PIK3C2G: variants seen among roughly 807,000 people sequenced by gnomAD.
PIK3C2G encodes phosphatidylinositol 3-kinase C2 domain-containing subunit gamma.
In PIK3C2G, 168 loss-of-function variants were observed where a neutral mutation model predicts 181.1. The observed-to-expected ratio is 0.93, with a 90% confidence interval of 0.82 to 1.05. The LOEUF is 1.05. PIK3C2G is among the 50% of genes least tolerant of loss of function. PIK3C2G has a pLI of 0.00. For synonymous variants in PIK3C2G, 573 were observed against 592.2 expected, an observed-to-expected ratio of 0.97 and a Z score of 0.47; for missense variants, 1,869 against 1,732.8, an observed-to-expected ratio of 1.08 and a Z score of -1.40.
chr12:18,516,515 C>T (rs1942557064), intron 24 of PIK3C2G, among the ~76,000 whole-genome samples: 2 of 152,120 alleles, frequency 1.3e-5, no homozygotes, highest in South Asian at 4.1e-4. Flanking sequence ...TGAACAATGT[C>T]ATAGATTTGG....
At chr12:18,534,796 A>T (rs1943756102) in intron 24 of PIK3C2G, among the ~76,000 whole-genome samples, 1 of 150,684 alleles carries the variant, frequency 6.6e-6, no homozygotes, top group African/African-American at 2.5e-5. Context: ...TTAGAACATC[A>T]GGTGAGAAAG....
intron 6 of PIK3C2G, among the ~76,000 whole-genome samples, chr12:18,320,565 GC>G (rs977855236): frequency 6.6e-6 from 1 of 152,196 alleles, no homozygotes; most frequent in Non-Finnish European, 1.5e-5. Flanking sequence ...TTATGTGTCT[GC>G]CCGCCCATCT....
the PIK3C2G span, among the ~76,000 whole-genome samples, chr12:18,655,941 GA>G: frequency 1.3e-5 from 2 of 152,116 alleles, no homozygotes; most frequent in Non-Finnish European, 2.9e-5. Flanking sequence ...TCCTGAAACG[GA>G]AAAACTAAGT....
chr12:18,601,520 C>T (rs140818537), intron 30 of PIK3C2G, among the ~76,000 whole-genome samples: 1 of 152,060 alleles, frequency 6.6e-6, no homozygotes, highest in East Asian at 1.9e-4. Flanking sequence ...TACAAAATTA[C>T]AGCTAGATAG....
the PIK3C2G span, chr12:18,701,600 G>A: frequency 1.3e-6 from 2 of 1,595,774 alleles, no homozygotes; most frequent in Non-Finnish European, 1.7e-6. Flanking sequence ...CTGATTCTTT[G>A]AATTTATCCT....
chr12:18,391,556 C>G (rs1350741311), intron 15 of PIK3C2G, among the ~76,000 whole-genome samples: 3 of 152,162 alleles, frequency 2.0e-5, no homozygotes, highest in African/African-American at 7.2e-5. Flanking sequence ...GATAAACCAT[C>G]TCTCAACCTT....
chr12:18,701,530 G>T, the PIK3C2G span: 1 of 1,613,674 alleles, frequency 6.2e-7, no homozygotes, highest in African/African-American at 1.3e-5. Flanking sequence ...ATTACTCCAG[G>T]TAACTTTTTT....
intron 6 of PIK3C2G, among the ~76,000 whole-genome samples, chr12:18,319,095 A>T (rs1014298036): frequency 6.6e-6 from 1 of 151,482 alleles, no homozygotes; most frequent in African/African-American, 2.4e-5. Flanking sequence ...AAAAAAAAAT[A>T]AATAAATAAT....
intron 29 of PIK3C2G, among the ~76,000 whole-genome samples, chr12:18,568,775 T>C (rs1592606749): frequency 6.6e-6 from 1 of 152,296 alleles, no homozygotes; most frequent in South Asian, 2.1e-4. Flanking sequence ...AAATTAACCA[T>C]CACAAGAGTC....
chr12:18,282,430 C>A lies in PIK3C2G; in HGVS notation c.349C>A (p.Pro117Thr), dbSNP rs749307445. ...TTTTAGTCCTTCTGTGTTACCAAAA[C>A]CTCAAAATACGAATAAAGAATGCTC... ...IGFSPSVLPK[P>T]QNTNKECSWG... The change falls in exon 2 of 33, where the codon CCT becomes ACT. Residue 117 changes from proline to threonine, a missense_variant. Pro to Thr is a conservative substitution (Grantham distance 38, BLOSUM62 -1). Transcript: ENST00000538779. The A allele has an allele frequency of 1.2e-6, 2 of 1,612,154 alleles. No homozygotes were observed. Among genetic ancestry groups the A allele is most frequent in the East Asian group, 4.5e-5 (2 of 44,850 alleles).
chr12:18,524,859 AC>A (rs1293607234), intron 24 of PIK3C2G, among the ~76,000 whole-genome samples: 1 of 150,282 alleles, frequency 6.7e-6, no homozygotes, highest in Non-Finnish European at 1.5e-5. Context: ...TGAGCCACCC[AC>A]CCGGCCTGTG....
chr12:18,349,280 G>T (rs1404206115), intron 11 of PIK3C2G, among the ~76,000 whole-genome samples: 1 of 152,090 alleles, frequency 6.6e-6, no homozygotes, highest in East Asian at 1.9e-4. Flanking sequence ...CCAGGCCAGA[G>T]GTATCTCCAG....
the PIK3C2G span, among the ~76,000 whole-genome samples, chr12:18,696,839 G>A: frequency 6.6e-6 from 1 of 151,968 alleles, no homozygotes; most frequent in Non-Finnish European, 1.5e-5. Context: ...TTCAATCTGT[G>A]TTTACATGTC....
chr12:18,478,517 C>A (rs1263832341), intron 18 of PIK3C2G, among the ~76,000 whole-genome samples: 2 of 152,130 alleles, frequency 1.3e-5, no homozygotes, highest in Non-Finnish European at 2.9e-5. Context: ...GAGGCCAGAC[C>A]CTTTGAAACT....
the PIK3C2G span, among the ~76,000 whole-genome samples, chr12:18,690,096 G>A: frequency 2.0e-5 from 3 of 152,052 alleles, no homozygotes; most frequent in Non-Finnish European, 4.4e-5. Flanking sequence ...GAGCACATAT[G>A]TTCTCTTTAC....
At chr12:18,409,960 A>G (rs1456715121) in intron 16 of PIK3C2G, among the ~76,000 whole-genome samples, 4 of 152,024 alleles carry the variant, frequency 2.6e-5, no homozygotes. Flanking sequence ...AAACAACCGG[A>G]TATCATTAGA....
intron 26 of PIK3C2G, among the ~76,000 whole-genome samples, chr12:18,549,655 G>A (rs1944621133): frequency 6.6e-6 from 1 of 152,028 alleles, no homozygotes; most frequent in Non-Finnish European, 1.5e-5. Context: ...TTCAGAGCCT[G>A]CGTTGGCTGA....
intron 31 of PIK3C2G, among the ~76,000 whole-genome samples, chr12:18,638,378 A>C (rs1377746578): frequency 6.6e-6 from 1 of 152,202 alleles, no homozygotes; most frequent in African/African-American, 2.4e-5. Context: ...CTAGAAAAGA[A>C]GGCTCATCAG....
the PIK3C2G span, among the ~76,000 whole-genome samples, chr12:18,670,574 C>T: frequency 6.6e-6 from 1 of 152,144 alleles, no homozygotes; most frequent in African/African-American, 2.4e-5. Context: ...GGGTTAACTT[C>T]CTTTCTGCAG....
Sources: gnomAD v4.1 joint callset for allele counts (sites outside exome capture counted in the v4.1 genomes callset) on GRCh38, gnomAD v4.1.1 for gene constraint, MANE v1.5 for transcripts, NCBI Gene and HGNC (gene_info 2026-07-23, HGNC 2026-07-21) for gene names.